ANXA8: variants seen among roughly 807,000 people sequenced by gnomAD.
ANXA8 encodes the protein VAC-beta.
ANXA8 carries 9 observed loss-of-function variants against 26.8 expected under a neutral mutation model. That is an observed-to-expected ratio of 0.34 (90% confidence interval 0.20 to 0.59). The LOEUF (loss-of-function observed/expected upper bound fraction) is 0.59. Among genes scored for constraint, ANXA8 ranks in the 20% least tolerant of loss-of-function variants. ANXA8 has a pLI of 0.84. For synonymous variants in ANXA8, 39 were observed against 94.8 expected, an observed-to-expected ratio of 0.41 and a Z score of 3.42; for missense variants, 83 against 238.5, an observed-to-expected ratio of 0.35 and a Z score of 4.29.
At chr10:47,559,601 G>A in the ANXA8 span, among the ~76,000 whole-genome samples, 6 of 151,786 alleles carry the variant, frequency 4.0e-5, no homozygotes, top group East Asian at 1.9e-4. Context: ...AAGTATTGCC[G>A]CAGAGTATTT....
chr10:47,468,798 A>C lies in ANXA8; in HGVS notation c.*49T>G. On this transcript the variant is annotated 3_prime_UTR_variant, in exon 12 of 12. Coordinates refer to ENST00000585281, the MANE Select transcript of ANXA8 (RefSeq NM_001040084.3). ...CGTCCATGGCCGAGGTTGAGTGAGGAGTCCTGGAGACTCTGGCTTCATGGT... is the reference window on the plus strand; with the variant it reads ...CGTCCATGGCCGAGGTTGAGTGAGGCGTCCTGGAGACTCTGGCTTCATGGT... 6.2e-7 allele frequency: 1 copy of C among 1,602,394 alleles called. No homozygotes were observed. The highest frequency in any genetic ancestry group is 8.5e-7 in the Non-Finnish European group (1 of 1,176,612).
the ANXA8 span, among the ~76,000 whole-genome samples, chr10:47,597,106 GC>G: frequency 6.7e-6 from 1 of 148,900 alleles, no homozygotes; most frequent in African/African-American, 2.6e-5. Context: ...TCAAATATAT[GC>G]AAATCAGTTA....
At chr10:47,639,374 G>T in the ANXA8 span, among the ~76,000 whole-genome samples, 1 of 139,186 alleles carries the variant, frequency 7.2e-6, no homozygotes, top group Non-Finnish European at 1.6e-5. Flanking sequence ...GTGCAGTGGC[G>T]CCATCTCCGC....
At chr10:47,672,720 G>A in the ANXA8 span, among the ~76,000 whole-genome samples, 4 of 151,820 alleles carry the variant, frequency 2.6e-5, no homozygotes, top group East Asian at 1.9e-4. Flanking sequence ...AGTGTAATAC[G>A]GGAAACTGCT....
the ANXA8 span, among the ~76,000 whole-genome samples, chr10:47,735,751 T>C: frequency 2.0e-5 from 3 of 151,698 alleles, no homozygotes; most frequent in Non-Finnish European, 4.4e-5. Flanking sequence ...GTGATCCTCC[T>C]GCCTCAGCCT....
At chr10:47,586,580 C>G in the ANXA8 span, among the ~76,000 whole-genome samples, 2 of 145,876 alleles carry the variant, frequency 1.4e-5, 1 homozygote, top group African/African-American at 5.6e-5. Flanking sequence ...GGGGGATCCT[C>G]AGGGCTTCAC....
the ANXA8 span, among the ~76,000 whole-genome samples, chr10:47,915,005 A>G: frequency 6.6e-6 from 1 of 152,292 alleles, no homozygotes; most frequent in East Asian, 1.9e-4. Context: ...GTACTGGAAA[A>G]TAAACTGGTT....
the ANXA8 span, among the ~76,000 whole-genome samples, chr10:47,756,761 C>A: frequency 1.3e-5 from 2 of 151,484 alleles, no homozygotes; most frequent in Admixed American, 6.6e-5. Flanking sequence ...CAAGGCCTCC[C>A]CTTCTGCAGC....
At chr10:47,609,265 A>T in the ANXA8 span, among the ~76,000 whole-genome samples, 1 of 147,878 alleles carries the variant, frequency 6.8e-6, no homozygotes, top group South Asian at 2.1e-4. Flanking sequence ...TGCCAAGGAG[A>T]TGTCATTTAA....
chr10:47,487,224 A>G, upstream of ANXA8: 1 of 1,133,368 alleles, frequency 8.8e-7, no homozygotes, highest in Non-Finnish European at 1.2e-6. Context: ...CAATGTACAC[A>G]TGTCATGGCT....
At chr10:47,988,830 T>G in the ANXA8 span, among the ~76,000 whole-genome samples, 3 of 151,868 alleles carry the variant, frequency 2.0e-5, no homozygotes, top group African/African-American at 7.2e-5. Context: ...GTCCATACTC[T>G]TGTTTGTTGT....
chr10:47,975,394 AATAAG>A, the ANXA8 span, among the ~76,000 whole-genome samples: 1 of 148,432 alleles, frequency 6.7e-6, no homozygotes, highest in African/African-American at 2.4e-5. Flanking sequence ...GTCCTTGTTG[AATAAG>A]ATAAGTAGGT....
the ANXA8 span, among the ~76,000 whole-genome samples, chr10:47,653,563 TC>T: frequency 6.6e-6 from 1 of 151,176 alleles, no homozygotes; most frequent in Non-Finnish European, 1.5e-5. Context: ...ATTGAGTTTG[TC>T]CAAATGGGGT....
chr10:47,649,749 G>A, the ANXA8 span, among the ~76,000 whole-genome samples: 2 of 140,754 alleles, frequency 1.4e-5, no homozygotes, highest in Non-Finnish European at 3.0e-5. Context: ...ATTTTTTTGA[G>A]ACAGGGTCTC....
chr10:47,702,108 T>G, the ANXA8 span, among the ~76,000 whole-genome samples: 3 of 149,480 alleles, frequency 2.0e-5, no homozygotes, highest in Admixed American at 6.7e-5. Context: ...AGAAAGAAAT[T>G]ATAAACAAGG....
chr10:47,525,328 C>T, the ANXA8 span, among the ~76,000 whole-genome samples: 1,985 of 134,850 alleles, frequency 0.015, 6 homozygotes, highest in African/African-American at 0.059. Context: ...ATCACTGGAA[C>T]TCAAGAGGCA....
intron 1 of ANXA8, among the ~76,000 whole-genome samples, chr10:47,483,200 G>T (rs1199495277): frequency 1.3e-5 from 2 of 150,876 alleles, no homozygotes; most frequent in African/African-American, 4.9e-5. Context: ...GCTCTAGCAG[G>T]CCAGGTCCTC....
At chr10:47,940,089 T>C in the ANXA8 span, among the ~76,000 whole-genome samples, 5 of 151,294 alleles carry the variant, frequency 3.3e-5, no homozygotes, top group African/African-American at 9.7e-5. Context: ...TTACCTTCTC[T>C]GAAAACTTTT....
chr10:47,469,688 G>T (rs1337846319), intron 11 of ANXA8, among the ~76,000 whole-genome samples: 1 of 144,480 alleles, frequency 6.9e-6, no homozygotes, highest in Admixed American at 7.0e-5. Flanking sequence ...TGAGGACAGC[G>T]GGGCCAAGAG....
Sources: allele counts gnomAD v4.1 joint callset (sites outside exome capture counted in the v4.1 genomes callset), GRCh38; gene constraint gnomAD v4.1.1; transcripts MANE v1.5; gene names NCBI Gene and HGNC (gene_info 2026-07-23, HGNC 2026-07-21).